The following CTNNA1 variants were observed in gnomAD, a reference collection of about 807,000 sequenced individuals.
CTNNA1 encodes catenin alpha-1.
CTNNA1 carries 37 observed loss-of-function variants against 98.4 expected under a neutral mutation model. The observed-to-expected ratio is 0.38, with a 90% CI of 0.29 to 0.49. The LOEUF (loss-of-function observed/expected upper bound fraction) is 0.49, where lower values mean the gene tolerates loss of function less well. Ranked by LOEUF, CTNNA1 falls within the 20% of genes least tolerant of loss-of-function variation. The pLI, the probability that CTNNA1 is intolerant of heterozygous loss-of-function variation, is 0.95. For synonymous variants in CTNNA1, 404 were observed against 413.2 expected (o/e 0.98, Z 0.27); for missense variants, 761 against 1,147.2 (o/e 0.66, Z 4.86).
chr5:138,843,016 T>C (rs148685986), intron 7 of CTNNA1, among the ~76,000 whole-genome samples: 1,720 of 152,298 alleles, frequency 0.011, 25 homozygotes, highest in Admixed American at 0.014. Context: ...GTTATGTTAA[T>C]AAACAGCAAT....
At chr5:138,840,057 G>A (rs1212991172) in intron 7 of CTNNA1, among the ~76,000 whole-genome samples, 1 of 152,152 alleles carries the variant, frequency 6.6e-6, no homozygotes, top group Non-Finnish European at 1.5e-5. Flanking sequence ...CCCTCTAACT[G>A]ACCTTGTTAA....
At chr5:138,774,165 G>A (rs1753839924) in intron 1 of CTNNA1, among the ~76,000 whole-genome samples, 1 of 152,110 alleles carries the variant, frequency 6.6e-6, no homozygotes, top group Non-Finnish European at 1.5e-5. Flanking sequence ...TTTCAGGCAT[G>A]AGCTACTGCG....
At chr5:138,857,359 C>T (rs1038703705) in intron 7 of CTNNA1, among the ~76,000 whole-genome samples, 1 of 152,168 alleles carries the variant, frequency 6.6e-6, no homozygotes, top group Admixed American at 6.5e-5. Context: ...AGTAACTTCA[C>T]TATTAATGGG....
At chr5:138,844,648 G>A (rs927206031) in intron 7 of CTNNA1, among the ~76,000 whole-genome samples, 1 of 152,126 alleles carries the variant, frequency 6.6e-6, no homozygotes, top group Non-Finnish European at 1.5e-5. Flanking sequence ...TTTCTTTGGT[G>A]TTCTTTTTTA....
At chr5:138,813,661 T>C (rs1429785557) in intron 5 of CTNNA1, among the ~76,000 whole-genome samples, 1 of 152,192 alleles carries the variant, frequency 6.6e-6, no homozygotes. Flanking sequence ...GATCTCACTC[T>C]GTTGCCCAGG....
At chr5:138,839,483 G>C (rs1762089230) in intron 7 of CTNNA1, among the ~76,000 whole-genome samples, 1 of 152,212 alleles carries the variant, frequency 6.6e-6, no homozygotes, top group Non-Finnish European at 1.5e-5. Flanking sequence ...TTACAGGCAT[G>C]AGCCACCGTG....
At chr5:138,897,441 T>C (rs1025728414) in intron 9 of CTNNA1, among the ~76,000 whole-genome samples, 2 of 152,086 alleles carry the variant, frequency 1.3e-5, no homozygotes, top group African/African-American at 4.8e-5. Context: ...AGTATGCTGA[T>C]AATATGTGGT....
At chr5:138,845,871 C>T (rs550455731) in intron 7 of CTNNA1, among the ~76,000 whole-genome samples, 1 of 152,222 alleles carries the variant, frequency 6.6e-6, no homozygotes, top group African/African-American at 2.4e-5. Flanking sequence ...TAAATATTCA[C>T]ATATAGATAT....
At chr5:138,889,444 C>T (rs141512725) in intron 9 of CTNNA1, among the ~76,000 whole-genome samples, 126 of 152,274 alleles carry the variant, frequency 8.3e-4, no homozygotes, top group Middle Eastern at 3.4e-3. Flanking sequence ...CTAAGTTCAC[C>T]TGGCTTACAT....
At chr5:138,902,922 A>G (rs1214397886) in intron 9 of CTNNA1, among the ~76,000 whole-genome samples, 5 of 152,034 alleles carry the variant, frequency 3.3e-5, no homozygotes, top group African/African-American at 1.2e-4. Flanking sequence ...TACAAAATTT[A>G]TCTTAGGTCA....
intron 13 of CTNNA1, among the ~76,000 whole-genome samples, chr5:138,926,793 C>T (rs1211858581): frequency 6.6e-6 from 1 of 152,196 alleles, no homozygotes; most frequent in Admixed American, 6.5e-5. Flanking sequence ...CCCATCTCCT[C>T]AGCCTGTGAA....
chr5:138,809,061 T>C (rs963292267), intron 3 of CTNNA1, among the ~76,000 whole-genome samples: 2 of 152,224 alleles, frequency 1.3e-5, no homozygotes, highest in African/African-American at 4.8e-5. Flanking sequence ...CATGGCTCAC[T>C]GCAACCTCAA....
intron 17 of CTNNA1, chr5:138,933,063 G>C (rs1016049280): frequency 2.8e-6 from 2 of 713,630 alleles, no homozygotes; most frequent in Non-Finnish European, 2.6e-6. Flanking sequence ...GAGCCTGGGA[G>C]ATGGAGGTTG....
intron 7 of CTNNA1, among the ~76,000 whole-genome samples, chr5:138,833,193 T>C (rs1269817799): frequency 6.6e-6 from 1 of 152,228 alleles, no homozygotes; most frequent in Non-Finnish European, 1.5e-5. Context: ...GTCTTTGAAA[T>C]GAACTCCATT....
At chr5:138,776,243 A>T (rs1158462042) in intron 1 of CTNNA1, among the ~76,000 whole-genome samples, 2 of 150,796 alleles carry the variant, frequency 1.3e-5, no homozygotes, top group Non-Finnish European at 3.0e-5. Flanking sequence ...AGTGGTGATG[A>T]CTCTTAACGA....
At chr5:138,835,919 C>T (rs1761728754) in intron 7 of CTNNA1, among the ~76,000 whole-genome samples, 1 of 152,172 alleles carries the variant, frequency 6.6e-6, no homozygotes, top group Non-Finnish European at 1.5e-5. Flanking sequence ...GATCACAGCT[C>T]ACTGCAACCT....
At chr5:138,856,407 G>A (rs1447841479) in intron 7 of CTNNA1, among the ~76,000 whole-genome samples, 1 of 152,074 alleles carries the variant, frequency 6.6e-6, no homozygotes, top group Admixed American at 6.6e-5. Flanking sequence ...TAGTGGCCGT[G>A]ATCATAGCTT....
chr5:138,908,216 A>T (rs1463653064), intron 10 of CTNNA1, among the ~76,000 whole-genome samples: 1 of 152,092 alleles, frequency 6.6e-6, no homozygotes, highest in Admixed American at 6.5e-5. Flanking sequence ...TTGGCCTCCC[A>T]AAGTGCTGGG....
chr5:138,781,472 C>G (rs573751620), intron 1 of CTNNA1, among the ~76,000 whole-genome samples: 1 of 151,124 alleles, frequency 6.6e-6, no homozygotes, highest in South Asian at 2.1e-4. Flanking sequence ...CAGAGAATGG[C>G]GTGAACCCAG....
Sources: gnomAD v4.1 joint callset for allele counts (sites outside exome capture counted in the v4.1 genomes callset) on GRCh38, gnomAD v4.1.1 for gene constraint, MANE v1.5 for transcripts, NCBI Gene and HGNC (gene_info 2026-07-23, HGNC 2026-07-21) for gene names.